Variants in MME observed in about 807,000 individuals in gnomAD.
MME encodes neprilysin.
In MME, 98 loss-of-function variants were observed where a neutral mutation model predicts 113.2. That is an observed-to-expected ratio of 0.87 (90% CI 0.74 to 1.02). MME has a LOEUF of 1.02. Among genes scored for constraint, MME ranks in the 50% least tolerant of loss-of-function variants. MME has a pLI of 0.00. For missense variants in MME, 836 were observed against 896.0 expected (o/e 0.93, Z 0.86); for synonymous variants, 292 against 300.6 (o/e 0.97, Z 0.30).
intron 3 of MME, among the ~76,000 whole-genome samples, chr3:155,092,386 T>C (rs1401372667): frequency 2.6e-5 from 4 of 152,222 alleles, no homozygotes; most frequent in Non-Finnish European, 4.4e-5. Context: ...GGTGGGAATG[T>C]AAATTTTAGT....
At chr3:155,082,488 C>A (rs1715239527) in intron 1 of MME, among the ~76,000 whole-genome samples, 1 of 152,112 alleles carries the variant, frequency 6.6e-6, no homozygotes, top group Non-Finnish European at 1.5e-5. Flanking sequence ...TTTGCCCAAC[C>A]AATACACTAT....
rs555906529 is a variant in MME at position 155,059,768 on chromosome 3, A to G, written c.-10-24390A>G. 3.3e-5 allele frequency among the ~76,000 whole-genome samples: 5 copies of G among 152,364 alleles called. No individual in the cohort carries two copies. The East Asian group carries it at 9.6e-4, about 29-fold the overall frequency. On this transcript the variant is annotated intron_variant, in intron 1 of 22. Coordinates refer to the MME transcript ENST00000492661. ...TCAAGAAAATTAAAAATAGATTAAT[A>G]GTATAAGAACTATATAATTCTTAAA...
intron 1 of MME, among the ~76,000 whole-genome samples, chr3:155,063,508 T>A (rs1714251295): frequency 8.8e-6 from 1 of 113,036 alleles, no homozygotes. Context: ...TAAATATATA[T>A]ATTTAAATAT....
chr3:155,171,654 C>T (rs138975673), intron 20 of MME, among the ~76,000 whole-genome samples: 1 of 152,266 alleles, frequency 6.6e-6, no homozygotes, highest in Non-Finnish European at 1.5e-5. Context: ...TCTAAGGGAT[C>T]TCAAGAGAAT....
intron 1 of MME, among the ~76,000 whole-genome samples, chr3:155,036,770 A>T (rs1426950642): frequency 6.6e-6 from 1 of 152,036 alleles, no homozygotes; most frequent in Non-Finnish European, 1.5e-5. Flanking sequence ...GATTAATCAA[A>T]TTTCTTCTAT....
intron 1 of MME, among the ~76,000 whole-genome samples, chr3:155,046,710 C>G (rs6795596): frequency 3.3e-5 from 5 of 151,886 alleles, no homozygotes; most frequent in Non-Finnish European, 7.4e-5. Context: ...AAAAGAAAAA[C>G]AGTTTCTACT....
chr3:155,041,551 A>G (rs1447906008), intron 1 of MME, among the ~76,000 whole-genome samples: 3 of 152,232 alleles, frequency 2.0e-5, no homozygotes, highest in East Asian at 1.9e-4. Context: ...AATAAAGCTA[A>G]TAAGAAAGAG....
chr3:155,132,588 C>T (rs61758179), intron 8 of MME, among the ~76,000 whole-genome samples: 4 of 151,954 alleles, frequency 2.6e-5, no homozygotes, highest in Non-Finnish European at 5.9e-5. Context: ...TTCACGTAAA[C>T]AATCATTGAT....
intron 1 of MME, among the ~76,000 whole-genome samples, chr3:155,055,087 G>A (rs978000755): frequency 1.3e-5 from 2 of 152,034 alleles, no homozygotes; most frequent in African/African-American, 4.8e-5. Context: ...ACTCAACAGA[G>A]GGGTATTTAT....
chr3:155,122,306 C>CT (rs1208061847), intron 8 of MME, among the ~76,000 whole-genome samples: 10 of 151,100 alleles, frequency 6.6e-5, no homozygotes, highest in East Asian at 5.8e-4. Context: ...ATTCTTCTCT[C>CT]TTTTTTTCTT....
chr3:155,170,463 A>T (rs1433600049), intron 20 of MME, among the ~76,000 whole-genome samples: 1 of 152,116 alleles, frequency 6.6e-6, no homozygotes, highest in Admixed American at 6.6e-5. Context: ...TTCCTTTTGT[A>T]ACTTTTATTG....
chr3:155,142,830 G>A (rs2108314070), intron 12 of MME, among the ~76,000 whole-genome samples: 1 of 152,156 alleles, frequency 6.6e-6, no homozygotes, highest in East Asian at 1.9e-4. Context: ...GAGGGGAGTA[G>A]GCAGTAGGGA....
chr3:155,177,425 G>A (rs745986441), intron 22 of MME, among the ~76,000 whole-genome samples: 23 of 152,168 alleles, frequency 1.5e-4, no homozygotes, highest in South Asian at 4.1e-4. Flanking sequence ...GAATCCTTGA[G>A]TCCCGCAACC....
At chr3:155,133,056 A>ATAT (rs1466261014) in intron 8 of MME, among the ~76,000 whole-genome samples, 4 of 85,312 alleles carry the variant, frequency 4.7e-5, no homozygotes, top group African/African-American at 1.8e-4. Context: ...AAAAAAAAAA[A>ATAT]AAAAAAATAT....
At position 155,092,006 on chromosome 3, in the gene MME, A is replaced by G. The variant is rs975503918; in HGVS notation, c.196+6912A>G. Among the ~76,000 whole-genome samples, 7 of 152,296 alleles carry G rather than the reference A, an allele frequency of 4.6e-5. No individual in the cohort carries two copies. The East Asian group carries it at 9.6e-4, about 21-fold the overall frequency. The stretch of plus-strand genomic sequence containing the variant: ...AAGTCTCAGTATCCAAAGGCCCAAG[A>G]ACCTGGAGTTCTGATGTCTAAGAAC... On this transcript the variant is annotated intron_variant, in intron 3 of 22. Transcript: ENST00000360490.
chr3:155,160,415 A>G lies in MME; in HGVS notation c.1627A>G (p.Asn543Asp). The G allele has an allele frequency of 2.5e-6, 4 of 1,608,236 alleles. No homozygotes were observed. The highest frequency in any genetic ancestry group is 3.4e-6 in the Non-Finnish European group (4 of 1,175,012). Residue 543 changes from asparagine (N) to aspartate (D), a missense_variant, in exon 17 of 23, where the codon AAT (asparagine) becomes GAT (aspartate). By Grantham distance (23) the Asn-to-Asp change is conservative (BLOSUM62 1). Transcript: ENST00000360490. ...DEWISGAAVV[N>D]AFYSSGRNQI... is the part of the protein sequence containing the mutation. ...GTGGATAAGTGGAGCAGCTGTAGTC[A>G]ATGCATTTTACTCTTCAGGAAGAAA...
intron 20 of MME, among the ~76,000 whole-genome samples, chr3:155,171,879 A>ACATATGCCAGGCTCTTGT (rs1464270826): frequency 7.9e-5 from 12 of 152,218 alleles, no homozygotes; most frequent in African/African-American, 2.7e-4. Flanking sequence ...TGATCACTTG[A>ACATATGCCAGGCTCTTGT]CATATGCCAG....
At chr3:155,172,251 T>G (rs1425319484) in intron 21 of MME, 39 bp downstream of exon 21, 1 of 1,367,824 alleles carries the variant, frequency 7.3e-7, no homozygotes, top group South Asian at 1.2e-5. Flanking sequence ...TGAAAACCAT[T>G]TTGAGTTATA....
rs558241411 is a variant in MME, at chr3:155,118,156, C to T, written c.655-590C>T. The stretch of plus-strand genomic sequence containing the variant: ...TTTGAGGAGAACCAAGGAGAAGTCG[C>T]CTCCATTCCCTTAGGGTAGAGAATC... On this transcript the variant is annotated intron_variant, in intron 7 of 22. Transcript: ENST00000360490. Among the ~76,000 whole-genome samples the T allele has an allele frequency of 3.6e-4, 55 of 152,304 alleles. No individual in the cohort carries two copies. In the South Asian group the frequency reaches 0.011, roughly 31 times the overall value.
Sources: allele counts gnomAD v4.1 joint callset (sites outside exome capture counted in the v4.1 genomes callset), GRCh38; gene constraint gnomAD v4.1.1; transcripts MANE v1.5; gene names NCBI Gene and HGNC (gene_info 2026-07-23, HGNC 2026-07-21).